The following CEMIP variants were observed in gnomAD, a reference collection of about 807,000 sequenced individuals.
CEMIP encodes cell migration-inducing and hyaluronan-binding protein.
CEMIP carries 105 observed loss-of-function variants against 156.9 expected under a neutral mutation model. The ratio of observed to expected loss-of-function variants is 0.67; its 90% CI spans 0.57 to 0.79. CEMIP has a LOEUF of 0.79. CEMIP is among the 30% of genes least tolerant of loss of function. The pLI, the probability that CEMIP is intolerant of heterozygous loss-of-function variation, is 0.00. For synonymous variants in CEMIP, 676 were observed against 668.4 expected, an observed-to-expected ratio of 1.01 and a Z score of -0.17; for missense variants, 1,457 against 1,769.4, an observed-to-expected ratio of 0.82 and a Z score of 3.17.
intron 1 of CEMIP, among the ~76,000 whole-genome samples, chr15:80,848,932 G>C (rs1332824370): frequency 5.0e-5 from 1 of 19,832 alleles, no homozygotes; most frequent in Admixed American, 5.3e-4. Context: ...ACACACCCTG[G>C]CTTCAGGGAT....
At chr15:80,859,608 AC>A (rs1318518520) in intron 1 of CEMIP, among the ~76,000 whole-genome samples, 2 of 152,242 alleles carry the variant, frequency 1.3e-5, no homozygotes, top group Non-Finnish European at 2.9e-5. Context: ...TGATGGGCCT[AC>A]CCTGGGTCTA....
chr15:80,782,323 A>G (rs1895818769), intron 1 of CEMIP, among the ~76,000 whole-genome samples: 1 of 152,178 alleles, frequency 6.6e-6, no homozygotes, highest in African/African-American at 2.4e-5. Flanking sequence ...GGTTAGCTTT[A>G]TGGAGTGGAA....
chr15:80,786,451 C>T (rs1192926296), intron 1 of CEMIP, among the ~76,000 whole-genome samples: 1 of 152,014 alleles, frequency 6.6e-6, no homozygotes, highest in Admixed American at 6.6e-5. Context: ...GTCTCAAACT[C>T]CTGAGCCCAA....
chr15:80,826,652 A>G (rs534597530), intron 1 of CEMIP, among the ~76,000 whole-genome samples: 21 of 152,294 alleles, frequency 1.4e-4, no homozygotes, highest in African/African-American at 5.1e-4. Flanking sequence ...TTAGGGTATA[A>G]TAAGTATTAT....
intron 1 of CEMIP, among the ~76,000 whole-genome samples, chr15:80,868,613 A>T (rs149835619): frequency 7.2e-5 from 11 of 152,316 alleles, no homozygotes; most frequent in African/African-American, 1.4e-4. Flanking sequence ...ATTATACTGC[A>T]AATAATTTAA....
At chr15:80,803,755 G>C (rs1457237216) in intron 1 of CEMIP, among the ~76,000 whole-genome samples, 1 of 152,216 alleles carries the variant, frequency 6.6e-6, no homozygotes, top group Non-Finnish European at 1.5e-5. Flanking sequence ...CTGAGCTCAA[G>C]TCTGTCTTGG....
At chr15:80,793,147 A>G (rs1896125032) in intron 1 of CEMIP, among the ~76,000 whole-genome samples, 1 of 151,958 alleles carries the variant, frequency 6.6e-6, no homozygotes, top group Non-Finnish European at 1.5e-5. Flanking sequence ...TGAGATTGAC[A>G]TGGGTGGCAG....
rs181795279 is a variant in CEMIP, at chr15:80,839,888, A to T, written c.-175-33650A>T. On this transcript the variant is annotated intron_variant, in intron 1 of 29. Coordinates refer to ENST00000394685, the MANE Select transcript of CEMIP (RefSeq NM_001293298.2). ...ACACACATTTTCTTCCCTTGCCCTC[A>T]CAACAACCCTAGCAGGTTGGCACTA... is the stretch of plus-strand genomic sequence containing the variant. Among the ~76,000 whole-genome samples, 3 of 152,298 alleles carry T rather than the reference A, an allele frequency of 2.0e-5. No homozygotes were observed. The East Asian group carries it at 5.8e-4, about 29-fold the overall frequency.
intron 1 of CEMIP, among the ~76,000 whole-genome samples, chr15:80,789,991 A>T (rs60764471): frequency 0.034 from 5,138 of 152,254 alleles, 284 homozygotes; most frequent in African/African-American, 0.12. Flanking sequence ...AGAGAGGCAG[A>T]GTCACTATTT....
chr15:80,933,549 T>C, intron 23 of CEMIP, 89 bp downstream of exon 23: 1 of 1,025,556 alleles, frequency 9.8e-7, no homozygotes, highest in South Asian at 1.5e-5. Flanking sequence ...CTGGCTCTGT[T>C]TCAGGCCAGA....
rs909631178 is a variant in CEMIP at position 80,946,564 on chromosome 15, T to C, written c.3858-401T>C. The C allele has an allele frequency of 2.5e-5, 5 of 200,062 alleles. No individual in the cohort carries two copies. The Admixed American group carries it at 2.6e-4, about 10-fold the overall frequency. The allele number at this position is 200,062 out of a possible 1,614,324, so 12.4% of individuals were successfully genotyped here. A position where few individuals can be genotyped will look rare whatever the true frequency, so the allele number is the denominator to read the frequency against. ...CTCCTTCCTTCCTCCATCACCACAT[T>C]TCTATCTGGTCTTACCTAACCAGGG... On this transcript the variant is annotated intron_variant, in intron 28 of 29. Transcript: ENST00000394685.
intron 1 of CEMIP, among the ~76,000 whole-genome samples, chr15:80,843,668 C>T (rs1897480928): frequency 6.6e-6 from 1 of 152,228 alleles, no homozygotes; most frequent in African/African-American, 2.4e-5. Context: ...CCTTCTAACC[C>T]TTTTGTGGCG....
intron 1 of CEMIP, among the ~76,000 whole-genome samples, chr15:80,851,332 G>C (rs1032814407): frequency 6.6e-6 from 1 of 152,184 alleles, no homozygotes. Flanking sequence ...TAGAGTTAAC[G>C]TGAGTCATTT....
intron 1 of CEMIP, among the ~76,000 whole-genome samples, chr15:80,857,506 A>G (rs1232838242): frequency 6.6e-6 from 1 of 152,184 alleles, no homozygotes; most frequent in Non-Finnish European, 1.5e-5. Flanking sequence ...CACAGAAGCC[A>G]GCAGTTCTGA....
At chr15:80,904,146 C>T (rs1355149186) in intron 12 of CEMIP, among the ~76,000 whole-genome samples, 4 of 152,214 alleles carry the variant, frequency 2.6e-5, no homozygotes, top group African/African-American at 7.2e-5. Flanking sequence ...AGCTTTTTGG[C>T]ATCTGCATAT....
At chr15:80,821,768 C>A (rs1896915608) in intron 1 of CEMIP, among the ~76,000 whole-genome samples, 1 of 152,186 alleles carries the variant, frequency 6.6e-6, no homozygotes, top group Non-Finnish European at 1.5e-5. Context: ...GGCCATGGAA[C>A]AAATTGGGGC....
intron 1 of CEMIP, among the ~76,000 whole-genome samples, chr15:80,836,957 C>T (rs563237984): frequency 1.3e-5 from 2 of 152,240 alleles, no homozygotes; most frequent in Admixed American, 6.5e-5. Context: ...ATTTTGGAAA[C>T]GTTATTTCTA....
intron 4 of CEMIP, among the ~76,000 whole-genome samples, chr15:80,879,492 G>A (rs944680777): frequency 5.9e-5 from 9 of 152,202 alleles, no homozygotes; most frequent in Non-Finnish European, 1.5e-5. Context: ...AGCGACTGGA[G>A]CATCCATGGA....
chr15:80,789,440 T>C (rs1028697364), intron 1 of CEMIP, among the ~76,000 whole-genome samples: 12 of 152,238 alleles, frequency 7.9e-5, no homozygotes, highest in Admixed American at 7.8e-4. Flanking sequence ...GTCACTAGTC[T>C]GTGACTGCTT....
Sources: gnomAD v4.1 joint callset for allele counts (sites outside exome capture counted in the v4.1 genomes callset) on GRCh38, gnomAD v4.1.1 for gene constraint, MANE v1.5 for transcripts, NCBI Gene and HGNC (gene_info 2026-07-23, HGNC 2026-07-21) for gene names.